FSIP1: variants seen among roughly 807,000 people sequenced by gnomAD.
FSIP1 encodes fibrous sheath-interacting protein 1.
Under a neutral mutation model 60.9 loss-of-function variants are expected in FSIP1, and 65 were observed. The ratio of observed to expected loss-of-function variants is 1.07; its 90% CI spans 0.87 to 1.31. The LOEUF (loss-of-function observed/expected upper bound fraction) is 1.31, where lower values mean the gene tolerates loss of function less well. Ranked by LOEUF, FSIP1 falls within the 40% of genes most tolerant of loss-of-function variation. FSIP1 has a pLI of 0.00. For missense variants in FSIP1, 675 were observed against 665.5 expected (o/e 1.01, Z -0.16); for synonymous variants, 209 against 221.2 (o/e 0.94, Z 0.49).
chr15:39,753,267 C>A (rs1897215477), intron 5 of FSIP1, among the ~76,000 whole-genome samples: 1 of 151,962 alleles, frequency 6.6e-6, no homozygotes, highest in East Asian at 1.9e-4. Flanking sequence ...ACAGATAATC[C>A]CTGTGTTATA....
chr15:39,757,832 C>A (rs1336299907), intron 5 of FSIP1, among the ~76,000 whole-genome samples: 1 of 152,154 alleles, frequency 6.6e-6, no homozygotes, highest in Non-Finnish European at 1.5e-5. Context: ...GTGCAACAGA[C>A]ATCTGGTTCA....
rs573994962 is a variant in FSIP1 at position 39,725,551 on chromosome 15, T to C, written c.1050+1038A>G. Among the ~76,000 whole-genome samples the C allele has an allele frequency of 5.3e-5, 8 of 152,356 alleles. 1 individual carries two copies. In the South Asian group the frequency reaches 1.4e-3, roughly 28 times the overall value. On this transcript the variant is annotated intron_variant, in intron 9 of 11. Coordinates refer to ENST00000350221, the MANE Select transcript of FSIP1 (RefSeq NM_152597.5). ...TACTATGAATCAGAAGGATTACCTA[T>C]AGGCTACTGATATTTAAATCTTTGG... is the stretch of plus-strand genomic sequence containing the variant.
chr15:39,608,955 AAG>A (rs1377130007), intron 11 of FSIP1, among the ~76,000 whole-genome samples: 1 of 152,116 alleles, frequency 6.6e-6, no homozygotes, highest in African/African-American at 2.4e-5. Context: ...GCCACACCTC[AAG>A]CCAGCACAGC....
chr15:39,674,203 C>T (rs925429728), intron 10 of FSIP1, among the ~76,000 whole-genome samples: 14 of 152,024 alleles, frequency 9.2e-5, no homozygotes, highest in Non-Finnish European at 1.3e-4. Flanking sequence ...TACAGGCACC[C>T]ACCACCACAC....
intron 10 of FSIP1, among the ~76,000 whole-genome samples, chr15:39,708,273 AG>A (rs1895360731): frequency 6.6e-6 from 1 of 152,186 alleles, no homozygotes. Flanking sequence ...CACCATCTAC[AG>A]GCTGCCTGCT....
chr15:39,709,388 A>G (rs1259869627), intron 10 of FSIP1, among the ~76,000 whole-genome samples: 8 of 152,252 alleles, frequency 5.3e-5, no homozygotes, highest in Non-Finnish European at 8.8e-5. Context: ...TTGTATATAG[A>G]AAAGACAATC....
intron 10 of FSIP1, among the ~76,000 whole-genome samples, chr15:39,631,851 G>T (rs951813288): frequency 6.6e-6 from 1 of 152,156 alleles, no homozygotes; most frequent in Non-Finnish European, 1.5e-5. Flanking sequence ...TACAGGGAAA[G>T]CTCTCCTTAT....
intron 10 of FSIP1, among the ~76,000 whole-genome samples, chr15:39,682,768 C>T (rs1359674601): frequency 1.3e-5 from 2 of 152,056 alleles, no homozygotes; most frequent in South Asian, 2.1e-4. Context: ...ACAAGACACC[C>T]GTATATTTTC....
chr15:39,644,211 C>T (rs1892492482), intron 10 of FSIP1, among the ~76,000 whole-genome samples: 1 of 152,274 alleles, frequency 6.6e-6, no homozygotes, highest in South Asian at 2.1e-4. Context: ...TCATGCTCAT[C>T]ACAGCTGAAT....
chr15:39,744,656 C>G (rs1366402717), intron 5 of FSIP1, among the ~76,000 whole-genome samples: 1 of 151,960 alleles, frequency 6.6e-6, no homozygotes, highest in Non-Finnish European at 1.5e-5. Context: ...ATGGTGCTCT[C>G]CAACCACCCA....
intron 10 of FSIP1, among the ~76,000 whole-genome samples, chr15:39,684,729 C>T (rs1385270432): frequency 6.6e-6 from 1 of 152,150 alleles, no homozygotes; most frequent in Non-Finnish European, 1.5e-5. Flanking sequence ...TTAAACTGTC[C>T]TCCTGTGTGT....
intron 10 of FSIP1, among the ~76,000 whole-genome samples, chr15:39,639,738 C>G (rs1892283736): frequency 6.6e-6 from 1 of 152,074 alleles, no homozygotes; most frequent in African/African-American, 2.4e-5. Context: ...GGTTGAGTAT[C>G]CAGTAGCACA....
intron 10 of FSIP1, among the ~76,000 whole-genome samples, chr15:39,691,748 C>T (rs1894609770): frequency 1.3e-5 from 2 of 152,120 alleles, no homozygotes; most frequent in South Asian, 4.1e-4. Flanking sequence ...GTGACTCCTT[C>T]CTAGCTCAGA....
Position 39,618,026 on chromosome 15 carries a change from T to C in FSIP1, c.1408A>G (p.Met470Val), listed in dbSNP as rs750874989. Residue 470 changes from methionine (M) to valine (V), a missense_variant, in exon 11 of 12, where the codon ATG (methionine) becomes GTG (valine). Met to Val is a conservative substitution (Grantham distance 21, BLOSUM62 1). Transcript: ENST00000350221. ...VQKTEVEDAD[M>V]LESEECEASK... ...GCTTCACATTCTTCACTCTCAAGCA[T>C]ATCTGCATCTTCTACCTCAGTTTTC... 24 of 1,614,208 alleles carry C rather than the reference T, an allele frequency of 1.5e-5. No homozygotes were observed. Among genetic ancestry groups the C allele is most frequent in the South Asian group, 1.3e-4 (12 of 91,086 alleles).
At chr15:39,781,958 A>C (rs1030963780) in intron 1 of FSIP1, among the ~76,000 whole-genome samples, 1 of 152,266 alleles carries the variant, frequency 6.6e-6, no homozygotes, top group African/African-American at 2.4e-5. Flanking sequence ...GAGGCTTACC[A>C]TAAGTAAGTT....
chr15:39,612,523 A>G lies in FSIP1; in HGVS notation c.1699+5212T>C, dbSNP rs201116613. ...AGTTCTAAGTGGGAAATATAAAACA[A>G]TAAATGCTTATTATCAAAGAAAAAA... On this transcript the variant is annotated intron_variant, in intron 11 of 11. Coordinates refer to ENST00000350221, the MANE Select transcript of FSIP1 (RefSeq NM_152597.5). 2.6e-4 allele frequency among the ~76,000 whole-genome samples: 40 copies of G among 152,266 alleles called. No individual in the cohort carries two copies. In the East Asian group the frequency reaches 7.5e-3, roughly 29 times the overall value.
At chr15:39,778,132 T>C (rs576638451) in intron 1 of FSIP1, among the ~76,000 whole-genome samples, 120 of 152,288 alleles carry the variant, frequency 7.9e-4, no homozygotes, top group African/African-American at 2.7e-3. Context: ...AGCACTGACA[T>C]TATTATTGTG....
chr15:39,605,792 T>A (rs1349767050), intron 11 of FSIP1, among the ~76,000 whole-genome samples: 2 of 152,114 alleles, frequency 1.3e-5, no homozygotes, highest in Non-Finnish European at 2.9e-5. Flanking sequence ...GCCAACCAAG[T>A]CCAGTCCCAG....
chr15:39,741,878 G>T lies in FSIP1; in HGVS notation c.582C>A (p.Asp194Glu), dbSNP rs1234874984. The change falls in exon 6 of 12, where the codon GAC becomes GAA. Residue 194 changes from aspartate to glutamate, a missense_variant. Transcript: ENST00000350221. ...GAGTATGAAACACTGAGGAAAAGGT[G>T]TCTTCCTCCTCATGAGAAGGACCTG... ...ETVGPSHEEE[D>E]TFSSVFHTQI... 1 of 1,598,004 alleles carries T rather than the reference G, an allele frequency of 6.3e-7. No individual in the cohort carries two copies. The highest frequency in any genetic ancestry group is 1.7e-5 in the Admixed American group (1 of 59,974).
Sources: allele counts gnomAD v4.1 joint callset (sites outside exome capture counted in the v4.1 genomes callset), GRCh38; gene constraint gnomAD v4.1.1; transcripts MANE v1.5; gene names NCBI Gene and HGNC (gene_info 2026-07-23, HGNC 2026-07-21).